Variants in EBF1 observed in about 807,000 individuals in gnomAD.
The protein encoded by EBF1 is EBF transcription factor 1, also known as transcription factor COE1.
EBF1 carries 10 observed loss-of-function variants against 68.4 expected under a neutral mutation model. The ratio of observed to expected loss-of-function variants is 0.15; its 90% CI spans 0.09 to 0.25. The LOEUF is 0.25. Among genes scored for constraint, EBF1 ranks in the 10% least tolerant of loss-of-function variants. The probability of loss-of-function intolerance (pLI) is 1.00; values close to 1 mark genes in which losing one functional copy is unlikely to be tolerated. For synonymous variants in EBF1, 298 were observed against 299.8 expected (o/e 0.99, Z 0.06); for missense variants, 509 against 794.4 (o/e 0.64, Z 4.32).
chr5:159,076,122 C>G (rs1330504452), intron 5 of EBF1, among the ~76,000 whole-genome samples: 1 of 151,966 alleles, frequency 6.6e-6, no homozygotes, highest in African/African-American at 2.4e-5. Flanking sequence ...GTCTTTCTCC[C>G]TCTTCTTATT....
chr5:158,876,462 G>A (rs916200428), intron 6 of EBF1, among the ~76,000 whole-genome samples: 9 of 152,206 alleles, frequency 5.9e-5, no homozygotes, highest in Admixed American at 2.0e-4. Flanking sequence ...GTTATTACTG[G>A]AGACTTCCTA....
intron 2 of EBF1, chr5:159,096,678 A>C: frequency 1.7e-6 from 1 of 604,568 alleles, no homozygotes; most frequent in East Asian, 2.8e-5. Context: ...CACCAGAGGC[A>C]GGCGGTGCGT....
chr5:158,958,416 C>T (rs112413891), intron 6 of EBF1, among the ~76,000 whole-genome samples: 1 of 152,052 alleles, frequency 6.6e-6, no homozygotes, highest in Non-Finnish European at 1.5e-5. Flanking sequence ...ATTCAGGAAG[C>T]GGCCTTAGAG....
intron 6 of EBF1, among the ~76,000 whole-genome samples, chr5:158,923,701 G>A (rs1808951022): frequency 6.6e-6 from 1 of 152,172 alleles, no homozygotes; most frequent in Non-Finnish European, 1.5e-5. Context: ...GACAAGCCAC[G>A]CCTCTTCTGG....
At chr5:158,706,004 C>CTATT (rs1757776277) in intron 15 of EBF1, among the ~76,000 whole-genome samples, 1 of 152,122 alleles carries the variant, frequency 6.6e-6, no homozygotes. Flanking sequence ...TTATTTAAAC[C>CTATT]TATTATAAGT....
chr5:159,067,925 C>G (rs886434787), intron 6 of EBF1, among the ~76,000 whole-genome samples: 14 of 152,126 alleles, frequency 9.2e-5, no homozygotes, highest in African/African-American at 2.9e-4. Context: ...AGAGTGAATT[C>G]CTCCTCCTTT....
intron 10 of EBF1, among the ~76,000 whole-genome samples, chr5:158,750,764 G>C (rs185259733): frequency 2.8e-4 from 42 of 150,130 alleles, no homozygotes; most frequent in African/African-American, 1.0e-3. Flanking sequence ...TCTACCACTT[G>C]CAAAAAAAAA....
At chr5:158,790,535 G>A (rs1272333398) in intron 9 of EBF1, among the ~76,000 whole-genome samples, 1 of 152,014 alleles carries the variant, frequency 6.6e-6, no homozygotes, top group African/African-American at 2.4e-5. Context: ...ACAAAAGTTT[G>A]GGACATGCTG....
chr5:158,962,023 G>A (rs916703945), intron 6 of EBF1, among the ~76,000 whole-genome samples: 2 of 152,126 alleles, frequency 1.3e-5, no homozygotes, highest in African/African-American at 4.8e-5. Flanking sequence ...TGCACAGGCC[G>A]ATCAACCATC....
At chr5:158,745,870 C>A (rs972116753) in intron 10 of EBF1, among the ~76,000 whole-genome samples, 6 of 152,188 alleles carry the variant, frequency 3.9e-5, no homozygotes, top group African/African-American at 1.2e-4. Context: ...CAGCCTCCAC[C>A]TTCAGGCTCT....
intron 7 of EBF1, among the ~76,000 whole-genome samples, chr5:158,835,958 A>G (rs1187158548): frequency 1.3e-5 from 2 of 152,198 alleles, no homozygotes; most frequent in African/African-American, 4.8e-5. Context: ...CGCTACCAAT[A>G]TCGATAGAAG....
At position 159,046,673 on chromosome 5, in the gene EBF1, T is replaced by G. The variant is rs144660124; in HGVS notation, c.554+26723A>C. On this transcript the variant is annotated intron_variant, in intron 6 of 15. Transcript: ENST00000313708. ...ATTAATGATTCAGAGACTAATAAGA[T>G]GTGATCTCTGCCCTCCAGAAAACTG... Among the ~76,000 whole-genome samples, 722 of 152,318 alleles carry G rather than the reference T, an allele frequency of 4.7e-3. 5 individuals are homozygous for G. Among genetic ancestry groups the G allele is most frequent in the Middle Eastern group, 6.8e-3 (2 of 294 alleles).
intron 6 of EBF1, among the ~76,000 whole-genome samples, chr5:158,907,495 T>C (rs1014787392): frequency 9.2e-5 from 14 of 152,162 alleles, no homozygotes; most frequent in Admixed American, 8.5e-4. Flanking sequence ...TATAACACAT[T>C]AACTCATCAC....
intron 6 of EBF1, among the ~76,000 whole-genome samples, chr5:158,876,771 G>C (rs932415175): frequency 3.3e-4 from 50 of 152,320 alleles, no homozygotes; most frequent in African/African-American, 1.0e-3. Context: ...GGGCAGGCCA[G>C]TGTTATGCTT....
intron 5 of EBF1, among the ~76,000 whole-genome samples, chr5:159,077,189 C>T (rs999197118): frequency 2.6e-5 from 4 of 152,372 alleles, no homozygotes; most frequent in Admixed American, 6.5e-5. Flanking sequence ...AATCCCAGCA[C>T]TTTGGGAGGC....
At chr5:158,819,648 C>T (rs1246238979) in intron 8 of EBF1, among the ~76,000 whole-genome samples, 3 of 152,196 alleles carry the variant, frequency 2.0e-5, no homozygotes, top group Admixed American at 2.0e-4. Flanking sequence ...AGCCTTGTGG[C>T]AGCCACTCAG....
chr5:159,073,743 G>A (rs1202996587), intron 5 of EBF1: 5 of 428,036 alleles, frequency 1.2e-5, no homozygotes, highest in South Asian at 6.7e-5. Context: ...ATGACTGCCC[G>A]CGGTGCTGGC....
In EBF1 at chr5:158,920,205, ATCT is replaced by A. The variant is rs139901202; in HGVS notation, c.555-80098_555-80096del. 9.1e-3 allele frequency among the ~76,000 whole-genome samples: 1,391 copies of A among 152,098 alleles called. 9 individuals are homozygous for A. Among genetic ancestry groups the A allele is most frequent in the Non-Finnish European group, 0.014 (957 of 67,976 alleles). On this transcript the variant is annotated intron_variant, in intron 6 of 15. Transcript: ENST00000313708. ...TGTATACACACATATGCTTAATGTA[ATCT>A]TCTTAACAATCCTATCAGGTATCAT...
intron 11 of EBF1, among the ~76,000 whole-genome samples, chr5:158,716,043 A>G (rs553966900): frequency 1.4e-4 from 21 of 152,312 alleles, no homozygotes; most frequent in Middle Eastern, 3.4e-3. Context: ...AGGCACAGAA[A>G]GAAACTGCAC....
Sources: allele counts gnomAD v4.1 joint callset (sites outside exome capture counted in the v4.1 genomes callset), GRCh38; gene constraint gnomAD v4.1.1; transcripts MANE v1.5; gene names NCBI Gene and HGNC (gene_info 2026-07-23, HGNC 2026-07-21).